Variants in CDH13 observed in about 807,000 individuals in gnomAD.
The protein encoded by CDH13 is cadherin-13.
In CDH13, 24 loss-of-function variants were observed where a neutral mutation model predicts 63.8. That is an observed-to-expected ratio of 0.38 (90% CI 0.27 to 0.53). The LOEUF (loss-of-function observed/expected upper bound fraction) is 0.53. Ranked by LOEUF, CDH13 falls within the 20% of genes least tolerant of loss-of-function variation. CDH13 has a pLI of 0.85. For missense variants in CDH13, 1,049 were observed against 903.1 expected (o/e 1.16, Z -2.07); for synonymous variants, 503 against 355.3 (o/e 1.42, Z -4.67).
intron 7 of CDH13, among the ~76,000 whole-genome samples, chr16:83,583,381 A>C (rs1905820337): frequency 6.6e-6 from 1 of 152,238 alleles, no homozygotes; most frequent in African/African-American, 2.4e-5. Flanking sequence ...GATAGCACTC[A>C]CTTCACTTTG....
intron 6 of CDH13, among the ~76,000 whole-genome samples, chr16:83,418,728 A>C (rs966365477): frequency 1.3e-5 from 2 of 152,182 alleles, no homozygotes; most frequent in African/African-American, 4.8e-5. Flanking sequence ...CATGGTGATG[A>C]GTGCTAGGAC....
intron 5 of CDH13, among the ~76,000 whole-genome samples, chr16:83,341,301 G>A (rs2090716845): frequency 6.6e-6 from 1 of 152,212 alleles, no homozygotes; most frequent in Non-Finnish European, 1.5e-5. Context: ...TTTATTCTCT[G>A]ATACTGGAGG....
chr16:82,969,951 ATTATAC>A (rs965101870), intron 2 of CDH13, among the ~76,000 whole-genome samples: 3 of 143,534 alleles, frequency 2.1e-5, no homozygotes, highest in African/African-American at 7.8e-5. Flanking sequence ...TTTTTTTTTT[ATTATAC>A]TTTAAGTTCT....
chr16:82,895,947 C>G (rs1462085288), intron 2 of CDH13, among the ~76,000 whole-genome samples: 2 of 152,160 alleles, frequency 1.3e-5, no homozygotes. Flanking sequence ...GCCTCAAAGC[C>G]TTCGCAGGCA....
intron 5 of CDH13, among the ~76,000 whole-genome samples, chr16:83,274,094 G>A (rs193136362): frequency 3.3e-5 from 5 of 152,100 alleles, no homozygotes; most frequent in African/African-American, 7.2e-5. Flanking sequence ...ACACCCTCTC[G>A]CCTTCCCCCA....
At chr16:82,641,731 T>C (rs776142042) in intron 1 of CDH13, among the ~76,000 whole-genome samples, 1 of 152,180 alleles carries the variant, frequency 6.6e-6, no homozygotes, top group Admixed American at 6.5e-5. Context: ...TATCAACAAA[T>C]ATTACTCAGC....
chr16:82,649,240 C>G (rs914927671), intron 1 of CDH13, among the ~76,000 whole-genome samples: 23 of 152,056 alleles, frequency 1.5e-4, no homozygotes, highest in African/African-American at 4.4e-4. Flanking sequence ...ACACAGGGTC[C>G]AAACTCAGAT....
At chr16:83,144,552 A>G (rs1019266766) in intron 4 of CDH13, among the ~76,000 whole-genome samples, 2 of 152,246 alleles carry the variant, frequency 1.3e-5, no homozygotes, top group African/African-American at 4.8e-5. Flanking sequence ...CTGGAACATA[A>G]TAGATGCACT....
chr16:82,652,099 T>C (rs1910785697), intron 1 of CDH13, among the ~76,000 whole-genome samples: 1 of 152,204 alleles, frequency 6.6e-6, no homozygotes, highest in Non-Finnish European at 1.5e-5. Flanking sequence ...GAAAGCAAAG[T>C]TATTGGAACA....
intron 1 of CDH13, among the ~76,000 whole-genome samples, chr16:82,684,250 C>T (rs920620956): frequency 6.6e-5 from 10 of 152,210 alleles, no homozygotes; most frequent in African/African-American, 2.2e-4. Flanking sequence ...CAGAACGAAA[C>T]GGTGACTGTG....
chr16:82,631,299 T>C (rs1013711573), intron 1 of CDH13, among the ~76,000 whole-genome samples: 1 of 152,202 alleles, frequency 6.6e-6, no homozygotes, highest in Non-Finnish European at 1.5e-5. Flanking sequence ...GGACTTGATT[T>C]CATTCTTTAG....
chr16:82,920,513 C>T (rs540963708), intron 2 of CDH13, among the ~76,000 whole-genome samples: 3 of 152,294 alleles, frequency 2.0e-5, no homozygotes, highest in African/African-American at 7.2e-5. Context: ...CCTCCTACAA[C>T]TAGGAATGGA....
chr16:82,702,248 A>G (rs2031092741), intron 1 of CDH13, among the ~76,000 whole-genome samples: 2 of 152,106 alleles, frequency 1.3e-5, no homozygotes, highest in Admixed American at 6.5e-5. Context: ...TTCCACCCCA[A>G]AAAGCCTCCT....
At chr16:83,333,743 G>GT (rs2090526640) in intron 5 of CDH13, among the ~76,000 whole-genome samples, 1 of 152,150 alleles carries the variant, frequency 6.6e-6, no homozygotes, top group Admixed American at 6.5e-5. Flanking sequence ...AAGTTTCTTA[G>GT]TAAGAGAGCA....
intron 4 of CDH13, among the ~76,000 whole-genome samples, chr16:83,133,741 C>A (rs1238795164): frequency 6.6e-6 from 1 of 152,186 alleles, no homozygotes; most frequent in Non-Finnish European, 1.5e-5. Flanking sequence ...TCAAGTGATC[C>A]ACCTGCCTCG....
chr16:83,040,345 C>T (rs541379632), intron 3 of CDH13, among the ~76,000 whole-genome samples: 1 of 152,202 alleles, frequency 6.6e-6, no homozygotes, highest in East Asian at 1.9e-4. Context: ...AGGTAAAGTC[C>T]CATCGTAGGC....
chr16:82,876,066 C>G (rs1266666893), intron 2 of CDH13, among the ~76,000 whole-genome samples: 2 of 152,206 alleles, frequency 1.3e-5, no homozygotes, highest in Non-Finnish European at 2.9e-5. Flanking sequence ...GAGACTCATT[C>G]ACTATCACGA....
At position 83,032,131 on chromosome 16, in the gene CDH13, T is replaced by C. The variant is rs1916416310; in HGVS notation, c.279T>C (p.Thr93=). The C allele has an allele frequency of 6.2e-7, 1 of 1,613,458 alleles. No homozygotes were observed. Among genetic ancestry groups the C allele is most frequent in the Non-Finnish European group, 8.5e-7 (1 of 1,179,760 alleles). The change falls in exon 3 of 14, where the codon ACT becomes ACC. Residue 93 remains threonine, a synonymous_variant. Transcript: ENST00000567109. ...GAAACATAACTGCAGTGGGCAAAAC[T>C]CTGTTCGTCCATGCACGGACCCCCC... is the stretch of plus-strand genomic sequence containing the variant. ...ALRNITAVGK[T]LFVHARTPHA...
intron 6 of CDH13, among the ~76,000 whole-genome samples, chr16:83,395,947 C>A (rs2091879160): frequency 6.6e-6 from 1 of 152,166 alleles, no homozygotes; most frequent in Admixed American, 6.5e-5. Context: ...GATCCTCTCC[C>A]TCCTCCCATC....
Sources: gnomAD v4.1 joint callset for allele counts (sites outside exome capture counted in the v4.1 genomes callset) on GRCh38, gnomAD v4.1.1 for gene constraint, MANE v1.5 for transcripts, NCBI Gene and HGNC (gene_info 2026-07-23, HGNC 2026-07-21) for gene names.